CCNB1IP1: variants seen among roughly 807,000 people sequenced by gnomAD.
CCNB1IP1 encodes the protein cyclin B1 interacting protein 1.
CCNB1IP1 carries 14 observed loss-of-function variants against 25.6 expected under a neutral mutation model. The observed-to-expected ratio is 0.55, with a 90% CI of 0.36 to 0.85. The LOEUF is 0.85. Ranked by LOEUF, CCNB1IP1 falls within the 40% of genes least tolerant of loss-of-function variation. The pLI is 0.01. For missense variants in CCNB1IP1, 278 were observed against 342.4 expected (o/e 0.81, Z 1.48); for synonymous variants, 119 against 116.1 (o/e 1.02, Z -0.16).
chr14:20,313,401 A>G, intron 6 of CCNB1IP1, 67 bp downstream of exon 6: 1 of 1,242,744 alleles, frequency 8.0e-7, no homozygotes, highest in Non-Finnish European at 1.1e-6. Context: ...AATGCTTGGA[A>G]GTGGGCAGAG....
At chr14:20,322,831 C>T (rs1384907737) in intron 4 of CCNB1IP1, among the ~76,000 whole-genome samples, 1 of 151,968 alleles carries the variant, frequency 6.6e-6, no homozygotes, top group African/African-American at 2.4e-5. Context: ...CCATGTTGGC[C>T]AGGCTGGTCT....
chr14:20,316,512 A>G lies in CCNB1IP1; in HGVS notation c.12T>C (p.Cys4=). Residue 4 remains cysteine, a synonymous_variant, in exon 5 of 7, where the codon TGT becomes TGC. Coordinates refer to ENST00000358932, the MANE Select transcript of CCNB1IP1 (RefSeq NM_021178.5). ...GATAATTACAAAGCAGCATGTCTTC[A>G]CACAAAGACATAATAGGATAGTGAG... MSL[C]EDMLLCNYRK... is the part of the protein sequence containing the mutation. 6.2e-7 allele frequency: 1 copy of G among 1,606,784 alleles called. No individual in the cohort carries two copies. The highest frequency in any genetic ancestry group is 8.5e-7 in the Non-Finnish European group (1 of 1,179,528).
chr14:20,331,964 G>A (rs963293595), intron 1 of CCNB1IP1, among the ~76,000 whole-genome samples: 1 of 110,408 alleles, frequency 9.1e-6, no homozygotes, highest in African/African-American at 3.4e-5. Context: ...CCATGTGAAT[G>A]TATTACCTAT....
At chr14:20,319,789 G>C (rs1284232558) in intron 4 of CCNB1IP1, among the ~76,000 whole-genome samples, 3 of 152,184 alleles carry the variant, frequency 2.0e-5, no homozygotes, top group Non-Finnish European at 4.4e-5. Flanking sequence ...TAGTATATCA[G>C]CAACTTCAAA....
At position 20,329,167 on chromosome 14, in the gene CCNB1IP1, C is replaced by G. The variant is rs970484232; in HGVS notation, c.-231+7G>C. 2 of 152,198 alleles carry G rather than the reference C, an allele frequency of 1.3e-5. No individual in the cohort carries two copies. The highest frequency in any genetic ancestry group is 2.4e-5 in the African/African-American group (1 of 41,444). The allele number at this position is 152,198 out of a possible 1,614,324, so 9.4% of individuals were successfully genotyped here. A position where few individuals can be genotyped will look rare whatever the true frequency, so the allele number is the denominator to read the frequency against. On this transcript the variant is annotated splice_region_variant and intron_variant, in intron 2 of 6. Coordinates refer to ENST00000358932, the MANE Select transcript of CCNB1IP1 (RefSeq NM_021178.5). Reference sequence around the variant, plus strand: ...CTAGGCTTTTTAGATAGGAAAGACACACATACGTGTAATGAAGAGAACTTA... The same window carrying G: ...CTAGGCTTTTTAGATAGGAAAGACAGACATACGTGTAATGAAGAGAACTTA...
chr14:20,316,639 G>T, intron 4 of CCNB1IP1, 79 bp from the exon 5 acceptor site: 2 of 707,134 alleles, frequency 2.8e-6, no homozygotes, highest in Non-Finnish European at 4.6e-6. Context: ...TAACATGCAC[G>T]TTTTTATCAT....
At chr14:20,324,087 T>A (rs1882987848) in intron 4 of CCNB1IP1, among the ~76,000 whole-genome samples, 1 of 152,130 alleles carries the variant, frequency 6.6e-6, no homozygotes, top group Admixed American at 6.5e-5. Context: ...TTATAGTGCC[T>A]ATGACTAATT....
intron 1 of CCNB1IP1, among the ~76,000 whole-genome samples, chr14:20,330,306 T>C (rs544507739): frequency 1.6e-4 from 25 of 151,966 alleles, no homozygotes; most frequent in African/African-American, 6.0e-4. Flanking sequence ...GAACAAAAAG[T>C]TGGGAACAAT....
intron 4 of CCNB1IP1, among the ~76,000 whole-genome samples, chr14:20,321,533 A>C (rs1882895738): frequency 6.6e-6 from 1 of 151,688 alleles, no homozygotes; most frequent in African/African-American, 2.4e-5. Context: ...GCTCACCGCA[A>C]CCTCCGCCTC....
chr14:20,315,695 C>A, intron 5 of CCNB1IP1: 1 of 1,222,858 alleles, frequency 8.2e-7, no homozygotes, highest in Non-Finnish European at 1.1e-6. Context: ...ATTTTAATAA[C>A]TTGGAAATAA....
intron 2 of CCNB1IP1, among the ~76,000 whole-genome samples, chr14:20,328,885 G>C (rs1432496278): frequency 1.3e-5 from 2 of 152,184 alleles, no homozygotes; most frequent in East Asian, 3.8e-4. Context: ...TTGTGCAAAT[G>C]CTCCATAAAC....
rs367735197 is a variant in CCNB1IP1 at position 20,322,605 on chromosome 14, T to TTA, written c.-38+2932_-38+2933dup. Reference sequence around the variant, plus strand: ...TACCTTCATACTGCAAAGAAAAGTTTTATATATATATATATAATTTTTTTT... The same window carrying TTA: ...TACCTTCATACTGCAAAGAAAAGTTTTATATATATATATATATAATTTTTTTT... On this transcript the variant is annotated intron_variant, in intron 4 of 6. Transcript: ENST00000358932. Among the ~76,000 whole-genome samples, 320 of 147,814 alleles carry TTA rather than the reference T, an allele frequency of 2.2e-3. 3 individuals are homozygous for TTA. Among genetic ancestry groups the TTA allele is most frequent in the African/African-American group, 5.8e-3 (231 of 39,498 alleles).
chr14:20,311,879 A>C (rs1882498300), intron 6 of CCNB1IP1, 127 bp from the exon 7 acceptor site: 2 of 540,712 alleles, frequency 3.7e-6, no homozygotes, highest in Non-Finnish European at 5.9e-6. Context: ...TTAGAAAAAA[A>C]CAGACATATA....
intron 4 of CCNB1IP1, chr14:20,317,609 CACGCAGCAGAG>C (rs1441677299): frequency 6.6e-6 from 1 of 152,208 alleles, no homozygotes; most frequent in Non-Finnish European, 1.5e-5. Flanking sequence ...AGCCCTCTCT[CACGCAGCAGAG>C]GCGCAGCTAA....
At chr14:20,313,364 C>T (rs1882565723) in intron 6 of CCNB1IP1, 104 bp downstream of exon 6, 2 of 880,486 alleles carry the variant, frequency 2.3e-6, no homozygotes. Flanking sequence ...CAACTCAATG[C>T]TTGTCTTATC....
rs536630667 is a variant in CCNB1IP1 at position 20,311,881 on chromosome 14, A to C, written c.632-129T>G. 3 of 542,868 alleles carry C rather than the reference A, an allele frequency of 5.5e-6. No individual in the cohort carries two copies. The Admixed American group carries it at 1.1e-4, about 20-fold the overall frequency. 33.6% of individuals were successfully genotyped at this position (542,868 alleles called of 1,614,324 possible). On this transcript the variant is annotated intron_variant, in intron 6 of 6. Transcript: ENST00000358932. ...TCCAATATTTGTCTTAGAAAAAAACAGACATATAAAATCTTTTACCCCAGG... is the reference window on the plus strand; with the variant it reads ...TCCAATATTTGTCTTAGAAAAAAACCGACATATAAAATCTTTTACCCCAGG...
chr14:20,323,068 C>T (rs1014279394), intron 4 of CCNB1IP1: 1 of 152,160 alleles, frequency 6.6e-6, no homozygotes, highest in Non-Finnish European at 1.5e-5. Flanking sequence ...TTCACAGCAC[C>T]AGATGACAGC....
At chr14:20,317,309 G>A (rs1043839486) in intron 4 of CCNB1IP1, among the ~76,000 whole-genome samples, 12 of 152,170 alleles carry the variant, frequency 7.9e-5, no homozygotes, top group African/African-American at 2.9e-4. Flanking sequence ...AGGAGGCTGA[G>A]GCAGGAGACT....
At chr14:20,313,092 A>C (rs1566398086) in intron 6 of CCNB1IP1, among the ~76,000 whole-genome samples, 1 of 152,208 alleles carries the variant, frequency 6.6e-6, no homozygotes, top group African/African-American at 2.4e-5. Flanking sequence ...AAGGATAATA[A>C]TACTTACTTC....
Sources: gnomAD v4.1 joint callset for allele counts (sites outside exome capture counted in the v4.1 genomes callset) on GRCh38, gnomAD v4.1.1 for gene constraint, MANE v1.5 for transcripts, NCBI Gene and HGNC (gene_info 2026-07-23, HGNC 2026-07-21) for gene names.